ANKRD55: variants seen among roughly 807,000 people sequenced by gnomAD.
ANKRD55 encodes ankyrin repeat domain 55.
In ANKRD55, 41 loss-of-function variants were observed where a neutral mutation model predicts 60.6. The ratio of observed to expected loss-of-function variants is 0.68; its 90% CI spans 0.53 to 0.88. The LOEUF (loss-of-function observed/expected upper bound fraction) is 0.88, where lower values mean the gene tolerates loss of function less well. ANKRD55 is among the 40% of genes least tolerant of loss of function. ANKRD55 has a pLI of 0.00. For synonymous variants in ANKRD55, 264 were observed against 290.3 expected (o/e 0.91, Z 0.92); for missense variants, 732 against 767.6 (o/e 0.95, Z 0.55).
intron 6 of ANKRD55, among the ~76,000 whole-genome samples, chr5:56,152,598 C>T (rs4700266): frequency 0.27 from 40,898 of 152,030 alleles, 5,642 homozygotes; most frequent in Middle Eastern, 0.3. Flanking sequence ...GTAGCTGCAA[C>T]AGACAAGCCT....
At chr5:56,187,754 T>C (rs1759006287) in intron 2 of ANKRD55, among the ~76,000 whole-genome samples, 1 of 152,204 alleles carries the variant, frequency 6.6e-6, no homozygotes, top group Admixed American at 6.5e-5. Flanking sequence ...TTCTCTTCCG[T>C]GACCCACGGC....
intron 5 of ANKRD55, 73 bp from the exon 6 acceptor site, chr5:56,159,966 C>T: frequency 1.5e-6 from 2 of 1,359,982 alleles, no homozygotes; most frequent in Admixed American, 1.8e-5. Flanking sequence ...GGTATAAAAA[C>T]ATGACCTTAG....
chr5:56,171,510 A>G (rs1291804137), intron 4 of ANKRD55, among the ~76,000 whole-genome samples: 4 of 152,204 alleles, frequency 2.6e-5, no homozygotes, highest in African/African-American at 9.6e-5. Context: ...TTCAAAGGGC[A>G]GGTATAACTT....
intron 5 of ANKRD55, among the ~76,000 whole-genome samples, chr5:56,164,753 G>A (rs796087299): frequency 8.5e-5 from 13 of 152,302 alleles, no homozygotes; most frequent in African/African-American, 3.1e-4. Context: ...AAGCCTTGGG[G>A]AGCTGAAAGG....
At chr5:56,148,221 T>C (rs770516279) in intron 6 of ANKRD55, among the ~76,000 whole-genome samples, 5 of 152,212 alleles carry the variant, frequency 3.3e-5, no homozygotes, top group Non-Finnish European at 5.9e-5. Context: ...GTCCAAGTTA[T>C]GGAGACCTTT....
At chr5:56,143,964 C>T (rs1232273359) in intron 6 of ANKRD55, 35 bp from the exon 7 acceptor site, 1 of 1,611,748 alleles carries the variant, frequency 6.2e-7, no homozygotes, top group Non-Finnish European at 8.5e-7. Flanking sequence ...CAGAGATGAG[C>T]ACAGGCTCCC....
At chr5:56,152,624 A>G (rs4700267) in intron 6 of ANKRD55, among the ~76,000 whole-genome samples, 40,866 of 152,084 alleles carry the variant, frequency 0.27, 5,632 homozygotes, top group Middle Eastern at 0.3. Flanking sequence ...TATGTCAATG[A>G]TTCTTCTGAG....
At chr5:56,164,919 C>T (rs1486868998) in intron 5 of ANKRD55, among the ~76,000 whole-genome samples, 2 of 152,132 alleles carry the variant, frequency 1.3e-5, no homozygotes, top group Admixed American at 6.5e-5. Flanking sequence ...CCCCATTGAG[C>T]GGGTGTTTAG....
At chr5:56,145,282 T>TA (rs1290457509) in intron 6 of ANKRD55, among the ~76,000 whole-genome samples, 1 of 152,186 alleles carries the variant, frequency 6.6e-6, no homozygotes, top group East Asian at 1.9e-4. Context: ...TCCTTGCAGA[T>TA]AGGTGCAGCC....
intron 2 of ANKRD55, among the ~76,000 whole-genome samples, chr5:56,217,731 A>G (rs1268249679): frequency 6.6e-6 from 1 of 151,962 alleles, no homozygotes; most frequent in African/African-American, 2.4e-5. Flanking sequence ...CATCTCTACT[A>G]AAAATACAAA....
rs573105636 is a variant in ANKRD55 at position 56,225,800 on chromosome 5, G to T, written c.58+7056C>A. ...AAGGGATGTGAAGGACCTCTTCAAGGAGAATTACAAACCACTGCTCAACAA... is the reference window on the plus strand; with the variant it reads ...AAGGGATGTGAAGGACCTCTTCAAGTAGAATTACAAACCACTGCTCAACAA... On this transcript the variant is annotated intron_variant, in intron 2 of 11. Coordinates refer to ENST00000341048, the MANE Select transcript of ANKRD55 (RefSeq NM_024669.3). Among the ~76,000 whole-genome samples, 15 of 152,208 alleles carry T rather than the reference G, an allele frequency of 9.9e-5. No individual in the cohort carries two copies. In the South Asian group the frequency reaches 3.1e-3, roughly 32 times the overall value.
In ANKRD55 at chr5:56,099,965, T is replaced by A. The variant is rs1307720370; in HGVS notation, c.*218A>T. ...GTCTTTTAATTTTGGCATGTGGAAG[T>A]CACAGAAATTCACAGACTTAATATG... On this transcript the variant is annotated 3_prime_UTR_variant, in exon 12 of 12. Transcript: ENST00000341048. The A allele has an allele frequency of 3.8e-6, 2 of 531,204 alleles. No individual in the cohort carries two copies. Among genetic ancestry groups the A allele is most frequent in the Non-Finnish European group, 6.5e-6 (2 of 307,968 alleles). The allele number at this position is 531,204 out of a possible 1,614,324, so 32.9% of individuals were successfully genotyped here. A position where few individuals can be genotyped will look rare whatever the true frequency, so the allele number is the denominator to read the frequency against.
chr5:56,119,648 C>A (rs923007364), intron 8 of ANKRD55, among the ~76,000 whole-genome samples: 1 of 152,198 alleles, frequency 6.6e-6, no homozygotes, highest in Non-Finnish European at 1.5e-5. Context: ...AGCACTGTGG[C>A]TCATGCCTGA....
chr5:56,218,902 A>G (rs1185747419), intron 2 of ANKRD55, among the ~76,000 whole-genome samples: 1 of 152,226 alleles, frequency 6.6e-6, no homozygotes, highest in East Asian at 1.9e-4. Context: ...CGTTAGATGA[A>G]TCTGAGTAAA....
At chr5:56,217,763 G>A (rs918029757) in intron 2 of ANKRD55, among the ~76,000 whole-genome samples, 1 of 152,040 alleles carries the variant, frequency 6.6e-6, no homozygotes, top group Admixed American at 6.6e-5. Context: ...GGGCGTGGTG[G>A]GGGGCACCTG....
At chr5:56,215,213 C>G (rs1184081556) in intron 2 of ANKRD55, among the ~76,000 whole-genome samples, 1 of 152,150 alleles carries the variant, frequency 6.6e-6, no homozygotes, top group East Asian at 1.9e-4. Flanking sequence ...AAATAACAAC[C>G]CATCTTCAGA....
chr5:56,155,863 A>G (rs1003238118), intron 6 of ANKRD55, among the ~76,000 whole-genome samples: 1 of 151,870 alleles, frequency 6.6e-6, no homozygotes, highest in Non-Finnish European at 1.5e-5. Context: ...AAAAAAAAAA[A>G]AACCAAAACC....
chr5:56,117,318 T>C (rs1343166170), intron 8 of ANKRD55, among the ~76,000 whole-genome samples: 1 of 152,244 alleles, frequency 6.6e-6, no homozygotes, highest in Non-Finnish European at 1.5e-5. Flanking sequence ...ATGCCTTTTG[T>C]CATTTTTCTA....
intron 6 of ANKRD55, among the ~76,000 whole-genome samples, chr5:56,146,454 T>G (rs1561269306): frequency 6.6e-6 from 1 of 152,016 alleles, no homozygotes; most frequent in Non-Finnish European, 1.5e-5. Context: ...CTGCCTAATT[T>G]TTGTAGTTTT....
Sources: gnomAD v4.1 joint callset for allele counts (sites outside exome capture counted in the v4.1 genomes callset) on GRCh38, gnomAD v4.1.1 for gene constraint, MANE v1.5 for transcripts, NCBI Gene and HGNC (gene_info 2026-07-23, HGNC 2026-07-21) for gene names.